Variants in LDHD observed in about 807,000 individuals in gnomAD.
LDHD encodes the protein D-lactate dehydrogenase, mitochondrial.
Under a neutral mutation model 52.9 loss-of-function variants are expected in LDHD, and 58 were observed. The ratio of observed to expected loss-of-function variants is 1.10; its 90% confidence interval spans 0.89 to 1.36. The LOEUF (loss-of-function observed/expected upper bound fraction) is 1.36, where lower values mean the gene tolerates loss of function less well. Ranked by LOEUF, LDHD falls within the 40% of genes most tolerant of loss-of-function variation. LDHD has a pLI of 0.00. For missense variants in LDHD, 747 were observed against 668.0 expected (o/e 1.12, Z -1.30); for synonymous variants, 350 against 288.6 (o/e 1.21, Z -2.16).
intron 8 of LDHD, among the ~76,000 whole-genome samples, 155 bp from the exon 9 acceptor site, chr16:75,113,079 T>TC (rs998635564): frequency 8.6e-5 from 13 of 151,368 alleles, no homozygotes; most frequent in African/African-American, 2.9e-4. Flanking sequence ...AGCCCTCACC[T>TC]CCCCCCGACA....
intron 4 of LDHD, 31 bp downstream of exon 4, chr16:75,114,796 C>T: frequency 1.2e-6 from 2 of 1,603,142 alleles, no homozygotes; most frequent in Non-Finnish European, 8.5e-7. Flanking sequence ...ACGGTGCCCT[C>T]AGGGTCCCAG....
chr16:75,114,596 C>G lies in LDHD; in HGVS notation c.559G>C (p.Val187Leu). 6.5e-7 allele frequency: 1 copy of G among 1,534,464 alleles called. No individual in the cohort carries two copies. The highest frequency in any genetic ancestry group is 1.2e-5 in the South Asian group (1 of 84,026). The change falls in exon 5 of 11, where the codon GTG becomes CTG. Residue 187 changes from valine (V) to leucine (L), a missense_variant. Val to Leu is a conservative substitution (Grantham distance 32). Transcript: ENST00000450168. Reference protein sequence around the residue: ...AVRYGTMRDNVLNLEVVLPDG... With the variant: ...AVRYGTMRDNLLNLEVVLPDG... ...GGCAGCACCACCTCCAGGTTGAGCA[C>G]GTTGTCCCGCATGGTGCCGTAGCGG...
chr16:75,114,890 G>A lies in LDHD; in HGVS notation c.406C>T (p.Pro136Ser). The change falls in exon 4 of 11, where the codon CCA (proline) becomes TCA (serine). Residue 136 changes from proline (P) to serine (S), a missense_variant. Coordinates refer to ENST00000450168, the MANE Select transcript of LDHD (RefSeq NM_194436.3). ...NQEDFSVVVE[P>S]GVTRKALNAH... ...TTGAGGGCTTTGCGGGTGACACCTG[G>A]CTCCACCACCACAGAGAAGTCCTCC... The A allele has an allele frequency of 1.2e-6, 2 of 1,614,042 alleles. No homozygotes were observed. The highest frequency in any genetic ancestry group is 1.7e-6 in the Non-Finnish European group (2 of 1,180,004).
At chr16:75,115,008 C>G in intron 3 of LDHD, 40 bp from the exon 4 acceptor site, 2 of 1,585,772 alleles carry the variant, frequency 1.3e-6, no homozygotes, top group Non-Finnish European at 1.7e-6. Context: ...AGACCTGGGT[C>G]TCTGACCTGG....
chr16:75,112,274 T>C lies in LDHD; in HGVS notation c.*82A>G. The C allele has an allele frequency of 3.4e-6, 5 of 1,480,596 alleles. No individual in the cohort carries two copies. Among genetic ancestry groups the C allele is most frequent in the Non-Finnish European group, 9.2e-7 (1 of 1,088,972 alleles). The allele number at this position is 1,480,596 out of a possible 1,614,324, so 91.7% of individuals were successfully genotyped here. A position where few individuals can be genotyped will look rare whatever the true frequency, so the allele number is the denominator to read the frequency against. Reference sequence around the variant, plus strand: ...GAAGACTGCCTCAGCATCTATTTCCTTGCAGGGGCCGTGGCATGAAGAAAA... The same window carrying C: ...GAAGACTGCCTCAGCATCTATTTCCCTGCAGGGGCCGTGGCATGAAGAAAA... On this transcript the variant is annotated 3_prime_UTR_variant, in exon 11 of 11. Transcript: ENST00000450168.
rs199512450 is a variant in LDHD at position 75,112,657 on chromosome 16, G to C, written c.1234C>G (p.Pro412Ala). The C allele has an allele frequency of 5.0e-6, 8 of 1,614,152 alleles. No homozygotes were observed. The highest frequency in any genetic ancestry group is 6.8e-6 in the Non-Finnish European group (8 of 1,180,036). The change falls in exon 10 of 11, where the codon CCT becomes GCT. Residue 412 changes from proline (P) to alanine (A), a missense_variant. Transcript: ENST00000450168. ...CTGCCCAGTTCCTCGGCGTCATCAG[G>C]GTTGACCAGCAGGATGCAGTGGAAG... Reference protein sequence around the residue: ...GNFHCILLVNPDDAEELGRVK... With the variant: ...GNFHCILLVNADDAEELGRVK...
Position 75,113,516 on chromosome 16 carries a change from TACCCCA to T in LDHD, c.1086+13_1086+18del. ...TGGGCCGAGCTGTGGGCCCCATCTGTACCCCAGCCCCAGCTCACCTTGCAGCCTGGC... is the reference window on the plus strand; with the variant it reads ...TGGGCCGAGCTGTGGGCCCCATCTGTGCCCCAGCTCACCTTGCAGCCTGGC... On this transcript the variant is annotated intron_variant, in intron 8 of 10. Transcript: ENST00000450168. 6.3e-7 allele frequency: 1 copy of T among 1,596,548 alleles called. No individual in the cohort carries two copies. Among genetic ancestry groups the T allele is most frequent in the East Asian group, 2.2e-5 (1 of 44,644 alleles).
At position 75,112,668 on chromosome 16, in the gene LDHD, A is replaced by G. The variant is rs2036426887; in HGVS notation, c.1223T>C (p.Leu408Pro). ...HVGDGNFHCILLVNPDDAEEL... is the reference protein window; with the variant it reads ...HVGDGNFHCIPLVNPDDAEEL... ...CTCGGCGTCATCAGGGTTGACCAGC[A>G]GGATGCAGTGGAAGTTGCCGTCACC... is the stretch of plus-strand genomic sequence containing the variant. The change falls in exon 10 of 11, where the codon CTG becomes CCG. Residue 408 changes from leucine (L) to proline (P), a missense_variant. Transcript: ENST00000450168. 1 of 1,614,138 alleles carries G rather than the reference A, an allele frequency of 6.2e-7. No homozygotes were observed.
Position 75,114,024 on chromosome 16 carries a change from C to A in LDHD, c.771G>T (p.Gln257His). 6.2e-7 allele frequency: 1 copy of A among 1,608,754 alleles called. No individual in the cohort carries two copies. Residue 257 changes from glutamine (Q) to histidine (H), a missense_variant, in exon 6 of 11, where the codon CAG becomes CAT. Coordinates refer to ENST00000450168, the MANE Select transcript of LDHD (RefSeq NM_194436.3). ...TGTGTACAGTGCTGTCCACAGCAGC[C>A]TGGACACTGGGGAACGCACACGTGG... Reference protein sequence around the residue: ...VAATCAFPSVQAAVDSTVHIL... With the variant: ...VAATCAFPSVHAAVDSTVHIL...
intron 1 of LDHD, 125 bp downstream of exon 1, chr16:75,116,524 C>T: frequency 2.6e-6 from 2 of 776,472 alleles, no homozygotes; most frequent in South Asian, 3.1e-5. Flanking sequence ...GCCCAGTGCC[C>T]TTTTGCCCAA....
rs201240591 is a variant in LDHD at position 75,114,043 on chromosome 16, C to T, written c.752G>A (p.Cys251Tyr). 22 of 1,609,730 alleles carry T rather than the reference C, an allele frequency of 1.4e-5. No individual in the cohort carries two copies. In the East Asian group the frequency reaches 4.0e-4, roughly 29 times the overall value. ...AGCAGCCTGGACACTGGGGAACGCA[C>T]ACGTGGCGGCCACTGTGGCCTCAGG... ...PAPEATVAATCAFPSVQAAVD... is the reference protein window; with the variant it reads ...PAPEATVAATYAFPSVQAAVD... The change falls in exon 6 of 11, where the codon TGT becomes TAT. Residue 251 changes from cysteine (C) to tyrosine (Y), a missense_variant. Cys to Tyr is a radical substitution (Grantham distance 194). Transcript: ENST00000450168.
chr16:75,112,280 G>A lies in LDHD; in HGVS notation c.*76C>T. On this transcript the variant is annotated 3_prime_UTR_variant, in exon 11 of 11. Coordinates refer to ENST00000450168, the MANE Select transcript of LDHD (RefSeq NM_194436.3). Reference sequence around the variant, plus strand: ...TGCCTCAGCATCTATTTCCTTGCAGGGGCCGTGGCATGAAGAAAAGTTCCA... The same window carrying A: ...TGCCTCAGCATCTATTTCCTTGCAGAGGCCGTGGCATGAAGAAAAGTTCCA... 6.7e-7 allele frequency: 1 copy of A among 1,491,442 alleles called. No individual in the cohort carries two copies. Among genetic ancestry groups the A allele is most frequent in the Non-Finnish European group, 9.1e-7 (1 of 1,097,680 alleles). The allele number at this position is 1,491,442 out of a possible 1,614,324, so 92.4% of individuals were successfully genotyped here. A position where few individuals can be genotyped will look rare whatever the true frequency, so the allele number is the denominator to read the frequency against.
At position 75,114,650 on chromosome 16, in the gene LDHD, C is replaced by T; in HGVS notation, c.505G>A (p.Ala169Thr). The T allele has an allele frequency of 6.5e-7, 1 of 1,530,830 alleles. No individual in the cohort carries two copies. Among genetic ancestry groups the T allele is most frequent in the Non-Finnish European group, 8.8e-7 (1 of 1,140,322 alleles). The allele number at this position is 1,530,830 out of a possible 1,614,324, so 94.8% of individuals were successfully genotyped here. A position where few individuals can be genotyped will look rare whatever the true frequency, so the allele number is the denominator to read the frequency against. The part of the protein sequence containing the change: ...GADASLCGMA[A>T]TGASGTNAVR... ...GCGTTGGTCCCCGACGCCCCGGTGG[C>T]CGCCATGCCACAGAGAGAGGCGTCC... Residue 169 changes from alanine to threonine, a missense_variant, in exon 5 of 11, where the codon GCC (alanine) becomes ACC (threonine). Coordinates refer to ENST00000450168, the MANE Select transcript of LDHD (RefSeq NM_194436.3).
Position 75,114,028 on chromosome 16 carries a change from A to C in LDHD, c.767T>G (p.Val256Gly). 1 of 1,609,124 alleles carries C rather than the reference A, an allele frequency of 6.2e-7. No individual in the cohort carries two copies. Among genetic ancestry groups the C allele is most frequent in the South Asian group, 1.1e-5 (1 of 90,874 alleles). Reference protein sequence around the residue: ...TVAATCAFPSVQAAVDSTVHI... With the variant: ...TVAATCAFPSGQAAVDSTVHI... ...TACAGTGCTGTCCACAGCAGCCTGG[A>C]CACTGGGGAACGCACACGTGGCGGC... The change falls in exon 6 of 11, where the codon GTC (valine) becomes GGC (glycine). Residue 256 changes from valine to glycine, a missense_variant. Val to Gly is a moderately radical substitution (Grantham distance 109). Coordinates refer to ENST00000450168, the MANE Select transcript of LDHD (RefSeq NM_194436.3).
chr16:75,112,067 C>T lies in LDHD; in HGVS notation c.*289G>A. 2.6e-6 allele frequency: 1 copy of T among 390,218 alleles called. No homozygotes were observed. Among genetic ancestry groups the T allele is most frequent in the Non-Finnish European group, 4.6e-6 (1 of 217,258 alleles). The allele number at this position is 390,218 out of a possible 1,614,324, so 24.2% of individuals were successfully genotyped here. Reference sequence around the variant, plus strand: ...AGTCTTGAATGGACCCAGACGCTCTCTTCCCGCCAGGACAGGATGCGTAGG... The same window carrying T: ...AGTCTTGAATGGACCCAGACGCTCTTTTCCCGCCAGGACAGGATGCGTAGG... On this transcript the variant is annotated 3_prime_UTR_variant, in exon 11 of 11. Coordinates refer to ENST00000450168, the MANE Select transcript of LDHD (RefSeq NM_194436.3).
At position 75,112,666 on chromosome 16, in the gene LDHD, G is replaced by C; in HGVS notation, c.1225C>G (p.Leu409Val). Residue 409 changes from leucine to valine, a missense_variant, in exon 10 of 11, where the codon CTG becomes GTG. Transcript: ENST00000450168. ...TCCTCGGCGTCATCAGGGTTGACCA[G>C]CAGGATGCAGTGGAAGTTGCCGTCA... ...VGDGNFHCIL[L>V]VNPDDAEELG... 1 of 1,614,162 alleles carries C rather than the reference G, an allele frequency of 6.2e-7. No individual in the cohort carries two copies. Among genetic ancestry groups the C allele is most frequent in the Non-Finnish European group, 8.5e-7 (1 of 1,180,040 alleles).
Position 75,116,741 on chromosome 16 carries a change from G to C in LDHD, c.-21C>G, listed in dbSNP as rs775281376. ...GCCATAGCCAGGCACTGGCCAGAGG[G>C]TGTGAGCACTGGGTGGCAGGGTGAC... On this transcript the variant is annotated 5_prime_UTR_variant, in exon 1 of 11. Coordinates refer to ENST00000450168, the MANE Select transcript of LDHD (RefSeq NM_194436.3). 5 of 1,540,670 alleles carry C rather than the reference G, an allele frequency of 3.2e-6. No homozygotes were observed. Among genetic ancestry groups the C allele is most frequent in the Non-Finnish European group, 3.5e-6 (4 of 1,143,274 alleles).
chr16:75,115,154 G>C, intron 3 of LDHD, 44 bp downstream of exon 3: 1 of 1,579,198 alleles, frequency 6.3e-7, no homozygotes, highest in Non-Finnish European at 8.6e-7. Context: ...GTGCCAAGGT[G>C]TGCTGGGACC....
At chr16:75,114,187 G>C (rs1248297389) in intron 5 of LDHD, 22 bp from the exon 6 acceptor site, 8 of 1,610,608 alleles carry the variant, frequency 5.0e-6, no homozygotes, top group African/African-American at 1.3e-5. Flanking sequence ...GGACACACAA[G>C]GTGAGTACCA....
Sources: gnomAD v4.1 joint callset for allele counts (sites outside exome capture counted in the v4.1 genomes callset) on GRCh38, gnomAD v4.1.1 for gene constraint, MANE v1.5 for transcripts, NCBI Gene and HGNC (gene_info 2026-07-23, HGNC 2026-07-21) for gene names.